The following AFF4 variants were observed in gnomAD, a reference collection of about 807,000 sequenced individuals.
AFF4 encodes ALF transcription elongation factor 4, also known as AF4/FMR2 family member 4.
Under a neutral mutation model 124.8 loss-of-function variants are expected in AFF4, and 13 were observed. The observed-to-expected ratio is 0.10, with a 90% CI of 0.07 to 0.17. The LOEUF (loss-of-function observed/expected upper bound fraction) is 0.17. Among genes scored for constraint, AFF4 ranks in the 10% least tolerant of loss-of-function variants. The pLI is 1.00. For synonymous variants in AFF4, 477 were observed against 496.1 expected (o/e 0.96, Z 0.51); for missense variants, 1,092 against 1,403.8 (o/e 0.78, Z 3.55).
chr5:132,952,217 C>G (rs56198724), intron 1 of AFF4, among the ~76,000 whole-genome samples: 38 of 152,236 alleles, frequency 2.5e-4, no homozygotes, highest in African/African-American at 8.4e-4. Context: ...CTAATACTTT[C>G]CAAAATGCCG....
chr5:132,938,588 G>A (rs1409990765), intron 1 of AFF4, among the ~76,000 whole-genome samples: 1 of 151,718 alleles, frequency 6.6e-6, no homozygotes, highest in East Asian at 2.0e-4. Flanking sequence ...TCAGTGGTTA[G>A]AACTAGTGAA....
At chr5:132,906,407 T>C (rs1561489338) in intron 5 of AFF4, among the ~76,000 whole-genome samples, 1 of 152,200 alleles carries the variant, frequency 6.6e-6, no homozygotes, top group East Asian at 1.9e-4. Flanking sequence ...TATATACTTA[T>C]ACACTGGAAT....
chr5:132,918,361 A>G (rs1289946617), intron 5 of AFF4, among the ~76,000 whole-genome samples: 3 of 147,086 alleles, frequency 2.0e-5, no homozygotes. Context: ...ACTCTGTCTC[A>G]CACACACACA....
intron 7 of AFF4, chr5:132,901,081 A>G (rs1468889751): frequency 3.0e-6 from 3 of 985,330 alleles, no homozygotes; most frequent in Non-Finnish European, 3.6e-6. Flanking sequence ...GGGAAAAAAG[A>G]GTTTTCTTTC....
rs146520295 is a variant in AFF4, at chr5:132,952,753, C to G, written c.-5+10506G>C. ...TGCTAAAAATAACAAAAAAAATTAA[C>G]TGGGCATAGTGGTGCATGCCTGTAA... On this transcript the variant is annotated intron_variant, in intron 1 of 20. Coordinates refer to ENST00000265343, the MANE Select transcript of AFF4 (RefSeq NM_014423.4). 7.3e-3 allele frequency among the ~76,000 whole-genome samples: 1,112 copies of G among 152,210 alleles called. 15 individuals are homozygous for G. Among genetic ancestry groups the G allele is most frequent in the African/African-American group, 0.024 (1,016 of 41,522 alleles).
At chr5:132,894,839 A>G (rs1365822721) in intron 11 of AFF4, among the ~76,000 whole-genome samples, 2 of 151,996 alleles carry the variant, frequency 1.3e-5, no homozygotes, top group Non-Finnish European at 2.9e-5. Context: ...CTGTAGTCCT[A>G]GCTACTTGGG....
intron 13 of AFF4, among the ~76,000 whole-genome samples, chr5:132,889,471 G>A (rs1760201587): frequency 6.6e-6 from 1 of 152,214 alleles, no homozygotes; most frequent in Admixed American, 6.5e-5. Flanking sequence ...GAAAATGGCA[G>A]CACTACTTAC....
rs764565803 is a variant in AFF4 at position 132,904,393 on chromosome 5, C to A, written c.1062G>T (p.Gln354His). The change falls in exon 6 of 21, where the codon CAG becomes CAT. Residue 354 changes from glutamine (Q) to histidine (H), a missense_variant. By Grantham distance (24) the Gln-to-His change is conservative (BLOSUM62 0). This residue lies in a region of AFF4 where 148 missense variants were observed against 196.3 expected (regional missense o/e 0.75). Transcript: ENST00000265343. ...KFPFPTKESQ[Q>H]SNFGTGEQKR... is the part of the protein sequence containing the mutation. ...TTTGTTCTCCAGTGCCAAAATTGGA[C>A]TGCTGAGACTCCTAAGAAAAAGGAA... The A allele has an allele frequency of 1.9e-6, 3 of 1,610,462 alleles. No individual in the cohort carries two copies. Among genetic ancestry groups the A allele is most frequent in the Non-Finnish European group, 2.5e-6 (3 of 1,178,568 alleles).
chr5:132,888,960 A>G, intron 14 of AFF4, 119 bp downstream of exon 14: 1 of 870,962 alleles, frequency 1.1e-6, no homozygotes, highest in Non-Finnish European at 1.8e-6. Context: ...CCTCCAAAAG[A>G]GCTGGGATTA....
chr5:132,932,158 A>AT lies in AFF4; in HGVS notation c.963+19dup, dbSNP rs56817345. 0.15 allele frequency: 232,205 copies of AT among 1,556,594 alleles called. 17,294 individuals are homozygous for AT. The highest frequency in any genetic ancestry group is 0.18 in the South Asian group (15,127 of 82,412). On this transcript the variant is annotated intron_variant, in intron 4 of 20. Transcript: ENST00000265343. ...ATAAAAAATTAAAGAAATTGAAATG[A>AT]TTTTTTTTAAAAAACTTACTTTTAG...
chr5:132,888,507 A>C (rs1042282529), intron 14 of AFF4, among the ~76,000 whole-genome samples: 17 of 152,186 alleles, frequency 1.1e-4, no homozygotes, highest in Admixed American at 3.9e-4. Context: ...TCCTCATTTA[A>C]GAAACCCTCC....
At chr5:132,911,049 T>C (rs1387093389) in intron 5 of AFF4, among the ~76,000 whole-genome samples, 1 of 152,238 alleles carries the variant, frequency 6.6e-6, no homozygotes, top group Non-Finnish European at 1.5e-5. Context: ...TACTGTCCTC[T>C]ACTTGGGCAC....
At chr5:132,895,765 C>A (rs959319333) in intron 11 of AFF4, among the ~76,000 whole-genome samples, 4 of 152,142 alleles carry the variant, frequency 2.6e-5, no homozygotes, top group Non-Finnish European at 4.4e-5. Context: ...GAAAAGCAGA[C>A]CTTAAATATA....
At chr5:132,936,177 G>T (rs896730756) in intron 2 of AFF4, among the ~76,000 whole-genome samples, 2 of 139,422 alleles carry the variant, frequency 1.4e-5, no homozygotes, top group African/African-American at 5.4e-5. Flanking sequence ...TTAGGCAGGA[G>T]AATGGCGTGA....
chr5:132,906,491 A>C (rs546780672), intron 5 of AFF4, among the ~76,000 whole-genome samples: 1 of 152,354 alleles, frequency 6.6e-6, no homozygotes, highest in South Asian at 2.1e-4. Context: ...ACATAATGTT[A>C]AGTGAAAGAA....
chr5:132,932,202 C>A lies in AFF4; in HGVS notation c.939G>T (p.Val313=). 1 of 1,606,712 alleles carries A rather than the reference C, an allele frequency of 6.2e-7. No individual in the cohort carries two copies. Among genetic ancestry groups the A allele is most frequent in the South Asian group, 1.1e-5 (1 of 89,044 alleles). The change falls in exon 4 of 21, where the codon GTG becomes GTT. Residue 313 remains valine (V), a synonymous_variant. Coordinates refer to ENST00000265343, the MANE Select transcript of AFF4 (RefSeq NM_014423.4). The part of the protein sequence containing the change: ...QPLDASASGD[V]SCVDEILKEM... ...CTTTTAGGATTTCATCCACACAGCT[C>A]ACATCACCAGAAGCTGATGCCTTGA... is the stretch of plus-strand genomic sequence containing the variant.
intron 9 of AFF4, among the ~76,000 whole-genome samples, chr5:132,898,731 G>C (rs1419055677): frequency 6.6e-6 from 1 of 152,090 alleles, no homozygotes; most frequent in Non-Finnish European, 1.5e-5. Flanking sequence ...TGATCCACCC[G>C]CCTCGGCCTC....
In AFF4 at chr5:132,878,100, GA is replaced by G; in HGVS notation, c.*2958del. On this transcript the variant is annotated 3_prime_UTR_variant, in exon 21 of 21. Transcript: ENST00000265343. ...AAGTCACTTCTTGGCTACTTGCCCA[GA>G]AAAAGGTGGCACTGAGGCAAGGAAT... 1.3e-5 allele frequency: 3 copies of G among 226,570 alleles called. No homozygotes were observed. The highest frequency in any genetic ancestry group is 6.3e-5 in the East Asian group (1 of 15,836). 14.0% of individuals were successfully genotyped at this position (226,570 alleles called of 1,614,324 possible). A position where few individuals can be genotyped will look rare whatever the true frequency, so the allele number is the denominator to read the frequency against.
chr5:132,959,270 C>T (rs549893259), intron 1 of AFF4, among the ~76,000 whole-genome samples: 2 of 151,848 alleles, frequency 1.3e-5, no homozygotes, highest in South Asian at 2.1e-4. Context: ...GGACTACAGG[C>T]GCCACCATGC....
Sources: allele counts gnomAD v4.1 joint callset (sites outside exome capture counted in the v4.1 genomes callset), GRCh38; gene constraint gnomAD v4.1.1; regional missense constraint gnomAD v4.1.1; transcripts MANE v1.5; gene names NCBI Gene and HGNC (gene_info 2026-07-23, HGNC 2026-07-21).